The following CD109 variants were observed in gnomAD, a reference collection of about 807,000 sequenced individuals.
CD109 encodes CD109 molecule, also known as CD109 antigen.
A neutral mutation model predicts 165.8 loss-of-function variants in CD109; 149 were observed. That is an observed-to-expected ratio of 0.90 (90% CI 0.79 to 1.03). CD109 has a LOEUF of 1.03. CD109 is among the 50% of genes least tolerant of loss of function. The pLI is 0.00. For missense variants in CD109, 1,712 were observed against 1,677.8 expected, an observed-to-expected ratio of 1.02 and a Z score of -0.36; for synonymous variants, 585 against 592.1, an observed-to-expected ratio of 0.99 and a Z score of 0.18.
At chr6:73,726,165 TTTA>T (rs528132817) in intron 3 of CD109, among the ~76,000 whole-genome samples, 11 of 152,328 alleles carry the variant, frequency 7.2e-5, no homozygotes, top group South Asian at 6.2e-4. Context: ...AGTGTAATAT[TTTA>T]AATTATTTTT....
chr6:73,781,817 A>G (rs1366931566), intron 17 of CD109, among the ~76,000 whole-genome samples: 3 of 119,190 alleles, frequency 2.5e-5, no homozygotes, highest in Non-Finnish European at 5.3e-5. Flanking sequence ...ACACACGCAG[A>G]CACACACACA....
At chr6:73,758,904 C>A (rs1319257162) in intron 6 of CD109, 40 bp from the exon 7 acceptor site, 3 of 1,144,524 alleles carry the variant, frequency 2.6e-6, no homozygotes, top group African/African-American at 3.0e-5. Context: ...TTCTTCGTCT[C>A]AAAAAGAAAA....
chr6:73,791,598 T>G (rs1024111400), intron 22 of CD109, among the ~76,000 whole-genome samples: 1 of 152,156 alleles, frequency 6.6e-6, no homozygotes, highest in Non-Finnish European at 1.5e-5. Context: ...TTATGCTTGA[T>G]GTAAAGAACG....
chr6:73,776,553 C>CTTTT (rs34703329), intron 15 of CD109, among the ~76,000 whole-genome samples: 23 of 73,106 alleles, frequency 3.1e-4, no homozygotes, highest in African/African-American at 6.7e-4. Context: ...CGCAAGTGGC[C>CTTTT]TTTTTTTTTT....
At chr6:73,762,296 C>A in intron 7 of CD109, 88 bp from the exon 8 acceptor site, 2 of 851,898 alleles carry the variant, frequency 2.3e-6, no homozygotes, top group Non-Finnish European at 3.8e-6. Context: ...TTGCTAATTG[C>A]TAATGTATGC....
chr6:73,736,494 C>A lies in CD109; in HGVS notation c.619C>A (p.Gln207Lys). 1 of 1,611,172 alleles carries A rather than the reference C, an allele frequency of 6.2e-7. No homozygotes were observed. The highest frequency in any genetic ancestry group is 1.1e-5 in the South Asian group (1 of 90,604). Reference sequence around the variant, plus strand: ...TCCAATACTTGGTGACTGGTCTATTCAAGTTCAAGTGAATGTGAGTATAAA... The same window carrying A: ...TCCAATACTTGGTGACTGGTCTATTAAAGTTCAAGTGAATGTGAGTATAAA... The part of the protein sequence containing the change: ...SHPILGDWSI[Q>K]VQVNDQTYYQ... The change falls in exon 5 of 33, where the codon CAA becomes AAA. Residue 207 changes from glutamine (Q) to lysine (K), a missense_variant. By Grantham distance (53) the Gln-to-Lys change is moderately conservative. Transcript: ENST00000287097.
intron 23 of CD109, among the ~76,000 whole-genome samples, chr6:73,800,281 A>C (rs571966762): frequency 6.6e-6 from 1 of 152,232 alleles, no homozygotes; most frequent in African/African-American, 2.4e-5. Flanking sequence ...GATATTCCTC[A>C]TTCTTTTTTT....
chr6:73,696,394 G>A (rs978216684), intron 1 of CD109, 105 bp downstream of exon 1: 1 of 964,828 alleles, frequency 1.0e-6, no homozygotes, highest in Non-Finnish European at 1.4e-6. Flanking sequence ...GCAGCAGCGG[G>A]TGGGAAATGC....
In CD109 at chr6:73,791,188, C is replaced by CAT. The variant is rs1247257626; in HGVS notation, c.2702-1436_2702-1435dup. On this transcript the variant is annotated intron_variant, in intron 22 of 32. Coordinates refer to ENST00000287097, the MANE Select transcript of CD109 (RefSeq NM_133493.5). ...ATATATATATATATACACACACACA[C>CAT]ATACATATATATATATATATATATA... is the stretch of plus-strand genomic sequence containing the variant. 7.8e-4 allele frequency among the ~76,000 whole-genome samples: 15 copies of CAT among 19,304 alleles called. 1 individual carries two copies. The highest frequency in any genetic ancestry group is 2.0e-3 in the South Asian group (1 of 488). The allele number at this position is 19,304 out of a possible 152,430, so 12.7% of individuals were successfully genotyped here. A position where few individuals can be genotyped will look rare whatever the true frequency, so the allele number is the denominator to read the frequency against.
At chr6:73,762,915 T>C (rs1413251517) in intron 9 of CD109, 33 bp downstream of exon 9, 1 of 1,562,314 alleles carries the variant, frequency 6.4e-7, no homozygotes, top group Non-Finnish European at 8.6e-7. Context: ...GTAAAACTAT[T>C]CATGTGACAC....
Position 73,806,840 on chromosome 6 carries a change from A to G in CD109, c.2961-4A>G. The stretch of plus-strand genomic sequence containing the variant: ...TTATGTAATTTTTTTCTCTTTTCAT[A>G]AAGGTTGTCAGCTTTTGTTTTAAGA... On this transcript the variant is annotated splice_polypyrimidine_tract_variant and splice_region_variant and intron_variant, in intron 24 of 32. Transcript: ENST00000287097. 1.2e-6 allele frequency: 2 copies of G among 1,607,866 alleles called. No homozygotes were observed. The highest frequency in any genetic ancestry group is 2.2e-5 in the East Asian group (1 of 44,780).
chr6:73,822,996 T>C (rs1291175173), intron 32 of CD109, among the ~76,000 whole-genome samples: 1 of 152,218 alleles, frequency 6.6e-6, no homozygotes, highest in Non-Finnish European at 1.5e-5. Flanking sequence ...GCATAGGCAG[T>C]CTTCCCTTCA....
Position 73,763,908 on chromosome 6 carries a change from A to AT in CD109, c.1107+232dup, listed in dbSNP as rs939568718. On this transcript the variant is annotated intron_variant, in intron 10 of 32. Transcript: ENST00000287097. The stretch of plus-strand genomic sequence containing the variant: ...CAGTAAAAATATTTTTTGAAAATGT[A>AT]TTTTTTTTTACAAGCAATTTAAGTT... Among the ~76,000 whole-genome samples, 317 of 151,640 alleles carry AT rather than the reference A, an allele frequency of 2.1e-3. 1 individual carries two copies. In the Middle Eastern group the frequency reaches 0.034, roughly 16 times the overall value.
At chr6:73,712,693 C>G (rs1771583535) in intron 2 of CD109, among the ~76,000 whole-genome samples, 1 of 152,166 alleles carries the variant, frequency 6.6e-6, no homozygotes, top group South Asian at 2.1e-4. Context: ...ATTTGTAAAT[C>G]AAATGGCCAG....
intron 11 of CD109, 135 bp from the exon 12 acceptor site, chr6:73,766,624 C>T (rs1582126292): frequency 1.6e-6 from 1 of 621,160 alleles, no homozygotes; most frequent in South Asian, 2.0e-5. Context: ...AATCCAATGT[C>T]TGGTGAATGT....
intron 14 of CD109, among the ~76,000 whole-genome samples, 169 bp from the exon 15 acceptor site, chr6:73,771,260 T>C (rs1006722174): frequency 6.6e-6 from 1 of 152,198 alleles, no homozygotes; most frequent in African/African-American, 2.4e-5. Context: ...ACTCTGGGCG[T>C]AGTTTTTTTA....
intron 21 of CD109, 71 bp from the exon 22 acceptor site, chr6:73,788,397 C>T: frequency 1.4e-6 from 2 of 1,380,788 alleles, no homozygotes; most frequent in Non-Finnish European, 2.0e-6. Flanking sequence ...TGTTTGTGCT[C>T]ATATCTGCGT....
At chr6:73,738,056 T>C (rs1016752346) in intron 5 of CD109, among the ~76,000 whole-genome samples, 2 of 152,094 alleles carry the variant, frequency 1.3e-5, no homozygotes, top group Non-Finnish European at 2.9e-5. Flanking sequence ...TCAAAGGTCA[T>C]TGTCATGGTG....
the CD109 span, among the ~76,000 whole-genome samples, chr6:73,680,477 G>A: frequency 4.6e-5 from 7 of 152,242 alleles, no homozygotes; most frequent in East Asian, 1.9e-4. Flanking sequence ...GGGTGTGTTC[G>A]TTGTATTTTG....
Sources: allele counts gnomAD v4.1 joint callset (sites outside exome capture counted in the v4.1 genomes callset), GRCh38; gene constraint gnomAD v4.1.1; transcripts MANE v1.5; gene names NCBI Gene and HGNC (gene_info 2026-07-23, HGNC 2026-07-21).